Variants in GALNT2 observed in about 807,000 individuals in gnomAD.
GALNT2 encodes the protein polypeptide N-acetylgalactosaminyltransferase 2.
A neutral mutation model predicts 81.4 loss-of-function variants in GALNT2; 31 were observed. The observed-to-expected ratio is 0.38, with a 90% CI of 0.29 to 0.51. GALNT2 has a LOEUF of 0.51. Ranked by LOEUF, GALNT2 falls within the 20% of genes least tolerant of loss-of-function variation. The pLI, the probability that GALNT2 is intolerant of heterozygous loss-of-function variation, is 0.87. For missense variants in GALNT2, 629 were observed against 765.7 expected (o/e 0.82, Z 2.11); for synonymous variants, 303 against 287.4 (o/e 1.05, Z -0.55).
At chr1:230,270,104 G>C (rs1416982184) in intron 14 of GALNT2, among the ~76,000 whole-genome samples, 1 of 152,196 alleles carries the variant, frequency 6.6e-6, no homozygotes, top group Non-Finnish European at 1.5e-5. Context: ...GGGGAGCTGA[G>C]GCAGAAGAAT....
intron 2 of GALNT2, among the ~76,000 whole-genome samples, chr1:230,188,953 G>GGC (rs1663429371): frequency 6.6e-6 from 1 of 151,850 alleles, no homozygotes; most frequent in Non-Finnish European, 1.5e-5. Flanking sequence ...CAGCCAGCTG[G>GGC]CAGAAGGACT....
intron 14 of GALNT2, among the ~76,000 whole-genome samples, chr1:230,270,387 C>T (rs1666135938): frequency 6.6e-6 from 1 of 152,186 alleles, no homozygotes. Context: ...ACTATCAGTA[C>T]TTTCCAATAG....
At chr1:230,076,247 C>T (rs1468441390) in intron 1 of GALNT2, among the ~76,000 whole-genome samples, 1 of 152,226 alleles carries the variant, frequency 6.6e-6, no homozygotes, top group Non-Finnish European at 1.5e-5. Context: ...AATCTCATTT[C>T]TTGATTCCTG....
chr1:230,131,708 A>AG (rs1661373803), intron 1 of GALNT2, among the ~76,000 whole-genome samples: 1 of 152,232 alleles, frequency 6.6e-6, no homozygotes, highest in Non-Finnish European at 1.5e-5. Flanking sequence ...GAGATAAGGC[A>AG]GGGGCTTGGC....
At chr1:230,099,332 G>T (rs1470040031) in intron 1 of GALNT2, among the ~76,000 whole-genome samples, 1 of 152,164 alleles carries the variant, frequency 6.6e-6, no homozygotes, top group Non-Finnish European at 1.5e-5. Context: ...TCCCGGGATG[G>T]GGGTGTCTGA....
intron 3 of GALNT2, among the ~76,000 whole-genome samples, chr1:230,231,578 A>G (rs958568377): frequency 1.3e-5 from 2 of 152,178 alleles, no homozygotes; most frequent in African/African-American, 4.8e-5. Context: ...CGTCTGCCCT[A>G]AAGACAGAGT....
At chr1:230,177,898 C>T (rs559050069) in intron 1 of GALNT2, among the ~76,000 whole-genome samples, 24 of 152,308 alleles carry the variant, frequency 1.6e-4, no homozygotes, top group Non-Finnish European at 2.4e-4. Flanking sequence ...TTCCCTATCT[C>T]GCTTCCCCAC....
Position 230,262,625 on chromosome 1 carries a change from T to C in GALNT2, c.1189T>C (p.Tyr397His). The C allele has an allele frequency of 2.5e-6, 4 of 1,614,108 alleles. No homozygotes were observed. Among genetic ancestry groups the C allele is most frequent in the Non-Finnish European group, 3.4e-6 (4 of 1,180,016 alleles). The change falls in exon 12 of 16, where the codon TAT becomes CAT. Residue 397 changes from tyrosine to histidine, a missense_variant. Around this residue, in one of 3 missense-constraint regions of GALNT2, gnomAD observed 207 missense variants for 225.5 expected, o/e 0.92. Coordinates refer to ENST00000366672, the MANE Select transcript of GALNT2 (RefSeq NM_004481.5). ...GATGGATGAATACAAAAATTTCTAT[T>C]ATGCAGCAGTGCCTTCTGCTAGAAA... ...VWMDEYKNFY[Y>H]AAVPSARNVP...
At chr1:230,059,924 T>C (rs1056120995) in intron 1 of GALNT2, among the ~76,000 whole-genome samples, 27 of 152,186 alleles carry the variant, frequency 1.8e-4, no homozygotes, top group Admixed American at 2.0e-4. Context: ...GCAACTATAG[T>C]ACAGTTAGCA....
At chr1:230,168,259 A>T (rs1028464100) in intron 1 of GALNT2, among the ~76,000 whole-genome samples, 2 of 152,206 alleles carry the variant, frequency 1.3e-5, no homozygotes, top group African/African-American at 4.8e-5. Flanking sequence ...CAGGAATGGG[A>T]AGTTATCACC....
At chr1:230,185,243 T>A (rs1027432872) in intron 2 of GALNT2, among the ~76,000 whole-genome samples, 2 of 152,018 alleles carry the variant, frequency 1.3e-5, no homozygotes, top group Admixed American at 6.6e-5. Context: ...TTCTGATACT[T>A]GCTGTGTCTC....
intron 1 of GALNT2, among the ~76,000 whole-genome samples, chr1:230,125,572 G>A (rs1661148620): frequency 6.6e-6 from 1 of 152,218 alleles, no homozygotes; most frequent in Admixed American, 6.5e-5. Flanking sequence ...CAATAATGCT[G>A]ACAAAATCTG....
chr1:230,114,789 T>C (rs1184141326), intron 1 of GALNT2, among the ~76,000 whole-genome samples: 4 of 152,222 alleles, frequency 2.6e-5, no homozygotes, highest in Non-Finnish European at 4.4e-5. Flanking sequence ...TTATGTACCA[T>C]GTAGAACGTG....
In GALNT2 at chr1:230,203,297, A is replaced by AC; in HGVS notation, c.374+11dup. ...CTGACACCCGGCATGACCAGTAAGT[A>AC]CCCCACTAAGCACCTGCTGCAGCTT... On this transcript the variant is annotated splice_region_variant and intron_variant, in intron 3 of 15. Transcript: ENST00000366672. The AC allele has an allele frequency of 6.2e-7, 1 of 1,613,434 alleles. No individual in the cohort carries two copies. Among genetic ancestry groups the AC allele is most frequent in the Non-Finnish European group, 8.5e-7 (1 of 1,179,518 alleles).
chr1:230,076,275 C>T (rs934822455), intron 1 of GALNT2, among the ~76,000 whole-genome samples: 1 of 152,222 alleles, frequency 6.6e-6, no homozygotes, highest in African/African-American at 2.4e-5. Flanking sequence ...TTCTGTGAAG[C>T]ACCAAGCATC....
intron 2 of GALNT2, among the ~76,000 whole-genome samples, chr1:230,187,534 G>A (rs1159643144): frequency 6.6e-6 from 1 of 152,188 alleles, no homozygotes; most frequent in South Asian, 2.1e-4. Flanking sequence ...GAGCCCTAGA[G>A]GGCATATGTT....
intron 1 of GALNT2, among the ~76,000 whole-genome samples, chr1:230,146,032 G>C (rs756432822): frequency 7.2e-5 from 11 of 152,192 alleles, no homozygotes; most frequent in African/African-American, 2.7e-4. Context: ...CTGCTTTCTT[G>C]TGAGGGTTCT....
At chr1:230,062,673 T>C (rs896479156), upstream of GALNT2, among the ~76,000 whole-genome samples, 113 of 152,360 alleles carry the variant, frequency 7.4e-4, no homozygotes, top group African/African-American at 2.5e-3. Flanking sequence ...ATCCATGTTC[T>C]GGTATGTGTT....
chr1:230,243,490 G>T lies in GALNT2; in HGVS notation c.729+63G>T, dbSNP rs567434992. On this transcript the variant is annotated intron_variant, in intron 7 of 15. Transcript: ENST00000366672. The surrounding 1 kb of genome is among the most constrained non-coding windows in gnomAD (Gnocchi z 4.2). ...GGTGGTTGGTAGAGGGGACAGAAGG[G>T]AGCATGGTCCAGGGGAGGTGTAACG... The T allele has an allele frequency of 1.9e-6, 3 of 1,591,646 alleles. No individual in the cohort carries two copies. The South Asian group carries it at 3.4e-5, about 18-fold the overall frequency.
Sources: allele counts gnomAD v4.1 joint callset (sites outside exome capture counted in the v4.1 genomes callset), GRCh38; gene constraint gnomAD v4.1.1; regional missense constraint gnomAD v4.1.1; non-coding constraint Gnocchi (gnomAD v3.1); transcripts MANE v1.5; gene names NCBI Gene and HGNC (gene_info 2026-07-23, HGNC 2026-07-21).